The following KLHL29 variants were observed in gnomAD, a reference collection of about 807,000 sequenced individuals.
The protein encoded by KLHL29 is kelch like family member 29.
KLHL29 carries 21 observed loss-of-function variants against 80.4 expected under a neutral mutation model. That is an observed-to-expected ratio of 0.26 (90% CI 0.19 to 0.38). The LOEUF is 0.38. KLHL29 is among the 10% of genes least tolerant of loss of function. The pLI is 1.00. For missense variants in KLHL29, 867 were observed against 1,223.9 expected (o/e 0.71, Z 4.35); for synonymous variants, 511 against 526.8 (o/e 0.97, Z 0.41).
At chr2:23,478,130 C>T (rs1332411956) in intron 2 of KLHL29, among the ~76,000 whole-genome samples, 1 of 152,180 alleles carries the variant, frequency 6.6e-6, no homozygotes, top group Non-Finnish European at 1.5e-5. Context: ...CCCTAGCACT[C>T]GGCCAGTTCC....
At chr2:23,568,570 G>A (rs1356467108) in intron 3 of KLHL29, among the ~76,000 whole-genome samples, 2 of 152,332 alleles carry the variant, frequency 1.3e-5, no homozygotes, top group South Asian at 2.1e-4. Flanking sequence ...AGAGCAGCAA[G>A]AGAGCAAGGT....
chr2:23,686,364 G>C (rs545575548), intron 6 of KLHL29, among the ~76,000 whole-genome samples: 35 of 152,324 alleles, frequency 2.3e-4, no homozygotes, highest in African/African-American at 7.5e-4. Context: ...TTGGCAGGTA[G>C]GAGACCTGGG....
chr2:23,589,728 C>G (rs1234947289), intron 3 of KLHL29, among the ~76,000 whole-genome samples: 1 of 152,234 alleles, frequency 6.6e-6, no homozygotes, highest in Non-Finnish European at 1.5e-5. Context: ...AACAGTCCAA[C>G]TCAGCAGCCA....
At chr2:23,422,005 GTATC>G (rs1397777716) in intron 1 of KLHL29, among the ~76,000 whole-genome samples, 6 of 150,856 alleles carry the variant, frequency 4.0e-5, no homozygotes, top group African/African-American at 9.8e-5. Flanking sequence ...CTCTGTCAGT[GTATC>G]TGTGTGTCAT....
At chr2:23,422,190 CTG>C (rs1261259379) in intron 1 of KLHL29, among the ~76,000 whole-genome samples, 1 of 149,004 alleles carries the variant, frequency 6.7e-6, no homozygotes, top group Non-Finnish European at 1.5e-5. Flanking sequence ...CTATGTGTCT[CTG>C]TGTCTGTATG....
At chr2:23,411,765 G>A (rs2339807) in intron 1 of KLHL29, among the ~76,000 whole-genome samples, 2,773 of 152,240 alleles carry the variant, frequency 0.018, 21 homozygotes, top group Middle Eastern at 0.034. Flanking sequence ...AGCATTGAAA[G>A]ATTGGTTCTG....
chr2:23,401,540 A>G (rs1172064851), intron 1 of KLHL29, among the ~76,000 whole-genome samples: 1 of 152,236 alleles, frequency 6.6e-6, no homozygotes, highest in East Asian at 1.9e-4. Context: ...TGTAGTCATC[A>G]GAGCCTCAGT....
At chr2:23,553,547 C>T (rs994815431) in intron 2 of KLHL29, among the ~76,000 whole-genome samples, 7 of 152,138 alleles carry the variant, frequency 4.6e-5, no homozygotes, top group Non-Finnish European at 1.0e-4. Flanking sequence ...TTGGAGGTGC[C>T]GAACACCTCA....
chr2:23,675,512 G>A (rs1670895933), intron 5 of KLHL29, among the ~76,000 whole-genome samples: 1 of 152,208 alleles, frequency 6.6e-6, no homozygotes, highest in African/African-American at 2.4e-5. Flanking sequence ...CTTGGTTTTT[G>A]TTTGGGTAGA....
intron 3 of KLHL29, among the ~76,000 whole-genome samples, chr2:23,567,469 C>G (rs1173360622): frequency 1.3e-5 from 2 of 152,202 alleles, no homozygotes; most frequent in African/African-American, 4.8e-5. Flanking sequence ...TCATCGTCAA[C>G]ACTCAAAACA....
chr2:23,624,675 C>T (rs1669267262), intron 3 of KLHL29, among the ~76,000 whole-genome samples: 1 of 152,216 alleles, frequency 6.6e-6, no homozygotes, highest in South Asian at 2.1e-4. Context: ...TAATCCACAG[C>T]CTGTGGGGGA....
At chr2:23,492,359 T>G (rs1162648456) in intron 2 of KLHL29, among the ~76,000 whole-genome samples, 1 of 152,194 alleles carries the variant, frequency 6.6e-6, no homozygotes, top group Non-Finnish European at 1.5e-5. Context: ...CCTGATCTGT[T>G]AGACCGGTTT....
chr2:23,506,028 C>T (rs986098439), intron 2 of KLHL29, among the ~76,000 whole-genome samples: 1 of 152,214 alleles, frequency 6.6e-6, no homozygotes, highest in African/African-American at 2.4e-5. Context: ...GAGGACCATG[C>T]TGGGGCCTGG....
At chr2:23,466,289 G>A (rs1402188889) in intron 1 of KLHL29, among the ~76,000 whole-genome samples, 3 of 152,224 alleles carry the variant, frequency 2.0e-5, no homozygotes, top group African/African-American at 4.8e-5. Flanking sequence ...TCTCAATGGA[G>A]TGCAATGTGT....
intron 2 of KLHL29, among the ~76,000 whole-genome samples, chr2:23,548,281 G>A (rs935370256): frequency 2.0e-5 from 3 of 150,468 alleles, no homozygotes; most frequent in Admixed American, 6.6e-5. Context: ...ACACACAGGC[G>A]CACACACACA....
In KLHL29 at chr2:23,597,089, A is replaced by G. The variant is rs73919780; in HGVS notation, c.285+34608A>G. ...CTCTCTCTGAAACCCAGGCCCACAT[A>G]TTTTATAAGTGTTCAGGGAAGACTG... On this transcript the variant is annotated intron_variant, in intron 3 of 13. Transcript: ENST00000486442. Among the ~76,000 whole-genome samples the G allele has an allele frequency of 7.9e-3, 1,204 of 152,168 alleles. 19 individuals are homozygous for G. The highest frequency in any genetic ancestry group is 0.028 in the African/African-American group (1,156 of 41,484).
At chr2:23,410,586 G>A (rs1666839133) in intron 1 of KLHL29, among the ~76,000 whole-genome samples, 1 of 152,086 alleles carries the variant, frequency 6.6e-6, no homozygotes, top group South Asian at 2.1e-4. Context: ...AAATTTCGAG[G>A]AATCATCCAC....
chr2:23,496,492 C>A (rs60195199), intron 2 of KLHL29, among the ~76,000 whole-genome samples: 197 of 152,032 alleles, frequency 1.3e-3, no homozygotes, highest in Admixed American at 2.2e-3. Flanking sequence ...CCCTCTCCCC[C>A]ATCCTGCTCC....
chr2:23,434,367 C>G (rs535649868), intron 1 of KLHL29, among the ~76,000 whole-genome samples: 1 of 146,156 alleles, frequency 6.8e-6, no homozygotes, highest in African/African-American at 2.5e-5. Context: ...TGAGTCATGG[C>G]CCAAATCCAG....
Sources: allele counts gnomAD v4.1 joint callset (sites outside exome capture counted in the v4.1 genomes callset), GRCh38; gene constraint gnomAD v4.1.1; transcripts MANE v1.5; gene names NCBI Gene and HGNC (gene_info 2026-07-23, HGNC 2026-07-21).